Variants in PCDHGB1 observed in about 807,000 individuals in gnomAD.
PCDHGB1 encodes the protein protocadherin gamma subfamily B, 1, also known as protocadherin gamma-B1.
PCDHGB1 carries 34 observed loss-of-function variants against 56.6 expected under a neutral mutation model. The ratio of observed to expected loss-of-function variants is 0.60; its 90% CI spans 0.46 to 0.80. The LOEUF (loss-of-function observed/expected upper bound fraction) is 0.80. Ranked by LOEUF, PCDHGB1 falls within the 30% of genes least tolerant of loss-of-function variation. The pLI, the probability that PCDHGB1 is intolerant of heterozygous loss-of-function variation, is 0.00. For missense variants in PCDHGB1, 1,278 were observed against 1,204.6 expected (o/e 1.06, Z -0.90); for synonymous variants, 561 against 505.9 (o/e 1.11, Z -1.46).
chr5:141,487,040 C>T lies in PCDHGB1; in HGVS notation c.2410-7767C>T, dbSNP rs374574042. The T allele has an allele frequency of 3.7e-6, 6 of 1,614,136 alleles. No homozygotes were observed. Among genetic ancestry groups the T allele is most frequent in the South Asian group, 1.1e-5 (1 of 91,082 alleles). On this transcript the variant is annotated intron_variant, in intron 1 of 3. Transcript: ENST00000523390. This position sits in a 1 kb window ranked among gnomAD's most constrained non-coding sequence, Gnocchi z 5.0. Reference sequence around the variant, plus strand: ...AGATCCCAGCCTGTTTGCAGTCTCTCGATATGCTGGGGAGGTGCGGACGGC... The same window carrying T: ...AGATCCCAGCCTGTTTGCAGTCTCTTGATATGCTGGGGAGGTGCGGACGGC...
chr5:141,409,045 C>T (rs1228603483), intron 1 of PCDHGB1: 1 of 1,613,878 alleles, frequency 6.2e-7, no homozygotes, highest in Non-Finnish European at 8.5e-7. Flanking sequence ...ACTACTACTT[C>T]CGAAGCACTG....
intron 1 of PCDHGB1, chr5:141,423,913 C>T: frequency 7.9e-7 from 1 of 1,269,552 alleles, no homozygotes; most frequent in Non-Finnish European, 1.0e-6. Context: ...AGGGGCCATT[C>T]AACTATGCTG....
chr5:141,482,245 G>A (rs72790067), intron 1 of PCDHGB1, among the ~76,000 whole-genome samples: 74 of 152,252 alleles, frequency 4.9e-4, no homozygotes, highest in Non-Finnish European at 7.9e-4. Flanking sequence ...TATAAGTATA[G>A]TACTGTACAT....
At position 141,418,763 on chromosome 5, in the gene PCDHGB1, C is replaced by G. The variant is rs914122527; in HGVS notation, c.2409+66094C>G. The stretch of plus-strand genomic sequence containing the variant: ...TCTGGATTACACTACAGGAAACATT[C>G]TAACTCAGCAGCCTTTGGATTTTGA... On this transcript the variant is annotated intron_variant, in intron 1 of 3. Coordinates refer to ENST00000523390, the MANE Select transcript of PCDHGB1 (RefSeq NM_018922.3). 5 of 1,613,728 alleles carry G rather than the reference C, an allele frequency of 3.1e-6. No homozygotes were observed. The Admixed American group carries it at 5.0e-5, about 16-fold the overall frequency.
chr5:141,376,309 C>G, intron 1 of PCDHGB1: 1 of 1,614,148 alleles, frequency 6.2e-7, no homozygotes, highest in Non-Finnish European at 8.5e-7. Flanking sequence ...ACTTTGTGGG[C>G]GTGGAAGGGG....
chr5:141,457,579 A>G (rs557894260), intron 1 of PCDHGB1, among the ~76,000 whole-genome samples: 123 of 152,346 alleles, frequency 8.1e-4, no homozygotes, highest in Non-Finnish European at 1.4e-3. Flanking sequence ...TTTTCTCTCC[A>G]GTCCTCATTT....
At chr5:141,443,499 A>T (rs533910381) in intron 1 of PCDHGB1, among the ~76,000 whole-genome samples, 1 of 152,268 alleles carries the variant, frequency 6.6e-6, no homozygotes, top group African/African-American at 2.4e-5. Context: ...ACAAACAAAC[A>T]AATAAAGAGC....
intron 1 of PCDHGB1, chr5:141,378,802 CA>C (rs1201523670): frequency 1.3e-5 from 2 of 152,134 alleles, no homozygotes; most frequent in African/African-American, 2.4e-5. Context: ...CTGAAATGTG[CA>C]AACAGAATCA....
At chr5:141,494,680 C>A in intron 1 of PCDHGB1, 127 bp from the exon 2 acceptor site, 1 of 1,560,094 alleles carries the variant, frequency 6.4e-7, no homozygotes, top group Non-Finnish European at 8.7e-7. Flanking sequence ...CCACCCCTGC[C>A]CCCTCTTAGT....
At chr5:141,405,649 T>C (rs954605890) in intron 1 of PCDHGB1, 14 of 527,576 alleles carry the variant, frequency 2.7e-5, no homozygotes, top group Non-Finnish European at 6.7e-6. Flanking sequence ...TAATTTTTTG[T>C]GTGTTTTTAG....
intron 1 of PCDHGB1, chr5:141,379,437 A>G (rs1344530566): frequency 6.6e-6 from 1 of 152,252 alleles, no homozygotes; most frequent in Non-Finnish European, 1.5e-5. Context: ...GGGCTGTTAT[A>G]CATATGATTA....
Position 141,405,152 on chromosome 5 carries a change from G to T in PCDHGB1, c.2409+52483G>T, listed in dbSNP as rs550773622. Reference sequence around the variant, plus strand: ...GCGGGCTACCAGTGATGGGTTGGCTGGTGTGCCCACCTCACACTTTGTGGG... The same window carrying T: ...GCGGGCTACCAGTGATGGGTTGGCTTGTGTGCCCACCTCACACTTTGTGGG... On this transcript the variant is annotated intron_variant, in intron 1 of 3. Transcript: ENST00000523390. 180 of 1,613,896 alleles carry T rather than the reference G, an allele frequency of 1.1e-4. 1 individual carries two copies. In the South Asian group the frequency reaches 1.9e-3, roughly 17 times the overall value.
chr5:141,486,844 C>T lies in PCDHGB1; in HGVS notation c.2410-7963C>T, dbSNP rs150549306. The T allele has an allele frequency of 1.1e-5, 17 of 1,614,220 alleles. No homozygotes were observed. The highest frequency in any genetic ancestry group is 1.4e-5 in the Non-Finnish European group (16 of 1,180,026). ...TAACAGTTCGTCTATTTGTGCTGGACCTCAATGACAATGCTCCAGCTGTGC... is the reference window on the plus strand; with the variant it reads ...TAACAGTTCGTCTATTTGTGCTGGATCTCAATGACAATGCTCCAGCTGTGC... On this transcript the variant is annotated intron_variant, in intron 1 of 3. Transcript: ENST00000523390. The surrounding 1 kb of genome is among the most constrained non-coding windows in gnomAD (Gnocchi z 5.0).
intron 1 of PCDHGB1, chr5:141,405,598 T>G: frequency 1.7e-6 from 1 of 577,840 alleles, no homozygotes; most frequent in South Asian, 2.2e-5. Context: ...GCCTCCCAAG[T>G]AGAATAACTG....
At chr5:141,403,150 C>G (rs1420317278) in intron 1 of PCDHGB1, 2 of 1,614,046 alleles carry the variant, frequency 1.2e-6, no homozygotes, top group Non-Finnish European at 1.7e-6. Flanking sequence ...GAGTCCGCAT[C>G]GTCTCTAGAG....
rs771647688 is a variant in PCDHGB1 at position 141,399,795 on chromosome 5, G to A, written c.2409+47126G>A. 10 of 1,613,202 alleles carry A rather than the reference G, an allele frequency of 6.2e-6. No individual in the cohort carries two copies. In the South Asian group the frequency reaches 8.8e-5, roughly 14 times the overall value. On this transcript the variant is annotated intron_variant, in intron 1 of 3. Transcript: ENST00000523390. ...TGGGCGACCGAAACGACAACGCACC[G>A]CGGGTGCTGTACCCCGCGCTGGGTC...
Position 141,489,805 on chromosome 5 carries a change from A to T in PCDHGB1, c.2410-5002A>T. On this transcript the variant is annotated intron_variant, in intron 1 of 3. Transcript: ENST00000523390. The surrounding 1 kb of genome is among the most constrained non-coding windows in gnomAD (Gnocchi z 4.5). ...GAATGTGAAGACCCTAAAAGATGGG[A>T]AGCCATTCCCAGAGCTGGTGCTAGA... 1 of 1,614,166 alleles carries T rather than the reference A, an allele frequency of 6.2e-7. No individual in the cohort carries two copies. Among genetic ancestry groups the T allele is most frequent in the Non-Finnish European group, 8.5e-7 (1 of 1,180,012 alleles).
chr5:141,451,860 C>T, intron 1 of PCDHGB1, among the ~76,000 whole-genome samples: 1 of 151,832 alleles, frequency 6.6e-6, no homozygotes, highest in Non-Finnish European at 1.5e-5. Flanking sequence ...CAGCCTAGGC[C>T]ACAGAATGAA....
chr5:141,413,760 C>G (rs778067298), intron 1 of PCDHGB1: 2 of 1,613,250 alleles, frequency 1.2e-6, no homozygotes, highest in African/African-American at 2.7e-5. Context: ...GCGTCAAGTA[C>G]CCGGAGCTGG....
Sources: allele counts gnomAD v4.1 joint callset (sites outside exome capture counted in the v4.1 genomes callset), GRCh38; gene constraint gnomAD v4.1.1; non-coding constraint Gnocchi (gnomAD v3.1); transcripts MANE v1.5; gene names NCBI Gene and HGNC (gene_info 2026-07-23, HGNC 2026-07-21).